Variants in MAK observed in about 807,000 individuals in gnomAD.
MAK encodes serine/threonine-protein kinase MAK.
In MAK, 65 loss-of-function variants were observed where a neutral mutation model predicts 82.6. That is an observed-to-expected ratio of 0.79 (90% CI 0.64 to 0.97). The LOEUF (loss-of-function observed/expected upper bound fraction) is 0.97, where lower values mean the gene tolerates loss of function less well. Ranked by LOEUF, MAK falls within the 50% of genes least tolerant of loss-of-function variation. The pLI is 0.00. For synonymous variants in MAK, 250 were observed against 274.2 expected, an observed-to-expected ratio of 0.91 and a Z score of 0.87; for missense variants, 703 against 780.2, an observed-to-expected ratio of 0.90 and a Z score of 1.18.
At chr6:10,789,437 G>A (rs1004703722) in intron 10 of MAK, among the ~76,000 whole-genome samples, 6 of 152,090 alleles carry the variant, frequency 3.9e-5, no homozygotes, top group African/African-American at 9.7e-5. Context: ...CCCCCATTAC[G>A]TGTGGGGGAT....
chr6:10,818,035 C>A, intron 3 of MAK, 64 bp from the exon 4 acceptor site: 1 of 947,552 alleles, frequency 1.1e-6, no homozygotes, highest in South Asian at 1.5e-5. Context: ...GGCAAAATTG[C>A]ATCAATGCTA....
intron 2 of MAK, 133 bp downstream of exon 2, chr6:10,830,415 C>T (rs938114616): frequency 4.3e-5 from 31 of 728,148 alleles, no homozygotes; most frequent in Admixed American, 8.0e-5. Flanking sequence ...CCGCCCGCCT[C>T]GGCCTCCCAA....
intron 2 of MAK, among the ~76,000 whole-genome samples, chr6:10,822,125 C>T (rs1274517925): frequency 1.0e-4 from 12 of 117,412 alleles, no homozygotes; most frequent in Non-Finnish European, 1.8e-4. Flanking sequence ...CCAGCCTGGG[C>T]AACAGAGCGA....
At chr6:10,813,132 ATAAATTTTTTTTTTTTT>A (rs1777170432) in intron 5 of MAK, among the ~76,000 whole-genome samples, 1 of 762 alleles carries the variant, frequency 1.3e-3, no homozygotes, top group African/African-American at 3.6e-3. Flanking sequence ...ATATATATAT[ATAAATTTTTTTTTTTTT>A]TTTTTTTTTT....
chr6:10,829,278 C>A (rs1778601848), intron 2 of MAK: 1 of 152,200 alleles, frequency 6.6e-6, no homozygotes, highest in African/African-American at 2.4e-5. Context: ...AAATTAACAA[C>A]AATTCTATTT....
At chr6:10,823,294 C>T (rs1228948182) in intron 2 of MAK, among the ~76,000 whole-genome samples, 5 of 152,086 alleles carry the variant, frequency 3.3e-5, no homozygotes, top group African/African-American at 1.2e-4. Context: ...TGTTAAATTC[C>T]ATATCTAATA....
intron 10 of MAK, among the ~76,000 whole-genome samples, chr6:10,790,606 A>C (rs968861394): frequency 6.6e-6 from 1 of 152,238 alleles, no homozygotes; most frequent in Admixed American, 6.5e-5. Context: ...CAGTTAGTGA[A>C]ATCTTAACAC....
chr6:10,814,963 G>A (rs1408975442), intron 4 of MAK, among the ~76,000 whole-genome samples: 1 of 151,968 alleles, frequency 6.6e-6, no homozygotes, highest in Non-Finnish European at 1.5e-5. Flanking sequence ...CTTGAACCCG[G>A]AGGGTGGAGG....
rs138397679 is a variant in MAK at position 10,788,208 on chromosome 6, T to C, written c.1316+3467A>G. Among the ~76,000 whole-genome samples the C allele has an allele frequency of 7.6e-3, 1,161 of 151,832 alleles. 17 individuals are homozygous for C. Among genetic ancestry groups the C allele is most frequent in the African/African-American group, 0.026 (1,065 of 41,402 alleles). On this transcript the variant is annotated intron_variant, in intron 10 of 14. Transcript: ENST00000354489. Reference sequence around the variant, plus strand: ...AGTTTTGCCATATTGCCCAGGCTGGTCTCAAACTCCTAAGCTCAAGCAACC... The same window carrying C: ...AGTTTTGCCATATTGCCCAGGCTGGCCTCAAACTCCTAAGCTCAAGCAACC...
At chr6:10,786,190 A>G (rs1184783259) in intron 10 of MAK, among the ~76,000 whole-genome samples, 1 of 152,212 alleles carries the variant, frequency 6.6e-6, no homozygotes, top group African/African-American at 2.4e-5. Context: ...GGTTGCAGTG[A>G]GCCAAGATCG....
chr6:10,824,672 C>T (rs1778225333), intron 2 of MAK, among the ~76,000 whole-genome samples: 1 of 152,164 alleles, frequency 6.6e-6, no homozygotes, highest in Admixed American at 6.5e-5. Context: ...CACATTCGTC[C>T]ATGTAATTTC....
intron 1 of MAK, among the ~76,000 whole-genome samples, chr6:10,832,144 C>T (rs1778860836): frequency 6.6e-6 from 1 of 152,194 alleles, no homozygotes; most frequent in Admixed American, 6.5e-5. Flanking sequence ...CACCACCACA[C>T]CTGGCTAATT....
intron 14 of MAK, among the ~76,000 whole-genome samples, chr6:10,769,832 T>C (rs890239052): frequency 2.0e-5 from 3 of 152,182 alleles, no homozygotes; most frequent in African/African-American, 7.2e-5. Flanking sequence ...CATCATCAGG[T>C]TATCATGAGG....
chr6:10,763,262 A>G lies in MAK; in HGVS notation c.*1190T>C, dbSNP rs930167485. On this transcript the variant is annotated 3_prime_UTR_variant, in exon 15 of 15. Coordinates refer to ENST00000354489, the MANE Select transcript of MAK (RefSeq NM_001242957.3). ...CAGCAGCATGAGCTGGCTTGGGGGAACCAGCTGGCACACTTCATCTTTGTG... is the reference window on the plus strand; with the variant it reads ...CAGCAGCATGAGCTGGCTTGGGGGAGCCAGCTGGCACACTTCATCTTTGTG... 1.3e-5 allele frequency: 2 copies of G among 152,470 alleles called. No homozygotes were observed. The highest frequency in any genetic ancestry group is 2.9e-5 in the Non-Finnish European group (2 of 68,050). The allele number at this position is 152,470 out of a possible 1,614,324, so 9.4% of individuals were successfully genotyped here. A position where few individuals can be genotyped will look rare whatever the true frequency, so the allele number is the denominator to read the frequency against.
rs368640280 is a variant in MAK at position 10,808,803 on chromosome 6, T to A, written c.491+7A>T. 6.2e-7 allele frequency: 1 copy of A among 1,613,862 alleles called. No individual in the cohort carries two copies. The highest frequency in any genetic ancestry group is 8.5e-7 in the Non-Finnish European group (1 of 1,179,902). ...TGCCTCAGGAGGGCTGCATAACCCC[T>A]ACTCACCATCTGGTAGATACATAAT... is the stretch of plus-strand genomic sequence containing the variant. On this transcript the variant is annotated splice_region_variant and intron_variant, in intron 6 of 14. Coordinates refer to ENST00000354489, the MANE Select transcript of MAK (RefSeq NM_001242957.3).
intron 11 of MAK, among the ~76,000 whole-genome samples, chr6:10,783,746 C>T (rs1265987040): frequency 6.6e-6 from 1 of 152,208 alleles, no homozygotes; most frequent in Non-Finnish European, 1.5e-5. Flanking sequence ...ATTGGCTGGG[C>T]ACAGTGGCTC....
rs190275052 is a variant in MAK, at chr6:10,797,575, T to C, written c.832-1266A>G. 334 of 984,800 alleles carry C rather than the reference T, an allele frequency of 3.4e-4. 1 individual carries two copies. In the Admixed American group the frequency reaches 5.6e-3, roughly 17 times the overall value. The allele number at this position is 984,800 out of a possible 1,614,324, so 61.0% of individuals were successfully genotyped here. On this transcript the variant is annotated intron_variant, in intron 8 of 14. Transcript: ENST00000354489. The stretch of plus-strand genomic sequence containing the variant: ...TTCTACAGAATGTCTAAAGCCTGTG[T>C]AGCTCAGCTATGGAAAAATTCCCTT...
At chr6:10,837,737 T>C (rs1779244458) in intron 1 of MAK, among the ~76,000 whole-genome samples, 1 of 152,234 alleles carries the variant, frequency 6.6e-6, no homozygotes, top group Admixed American at 6.5e-5. Context: ...ACCAGTTTTA[T>C]TGCTCTCGAC....
At chr6:10,794,036 T>C (rs1394030916) in intron 9 of MAK, among the ~76,000 whole-genome samples, 2 of 152,174 alleles carry the variant, frequency 1.3e-5, no homozygotes, top group African/African-American at 4.8e-5. Flanking sequence ...TGGTGTTATA[T>C]GCAGAGCCCT....
Sources: gnomAD v4.1 joint callset for allele counts (sites outside exome capture counted in the v4.1 genomes callset) on GRCh38, gnomAD v4.1.1 for gene constraint, MANE v1.5 for transcripts, NCBI Gene and HGNC (gene_info 2026-07-23, HGNC 2026-07-21) for gene names.